Variants in WDR44 observed in about 807,000 individuals in gnomAD.
WDR44 encodes the protein WD repeat-containing protein 44.
In WDR44, 9 loss-of-function variants were observed where a neutral mutation model predicts 65.7. The observed-to-expected ratio is 0.14, with a 90% CI of 0.08 to 0.24. The LOEUF is 0.24. Among genes scored for constraint, WDR44 ranks in the 10% least tolerant of loss-of-function variants. WDR44 has a pLI of 1.00. For synonymous variants in WDR44, 220 were observed against 235.2 expected, an observed-to-expected ratio of 0.94 and a Z score of 0.59; for missense variants, 425 against 670.9, an observed-to-expected ratio of 0.63 and a Z score of 4.05.
chrX:118,362,211 T>C (rs1362347007), intron 1 of WDR44, among the ~76,000 whole-genome samples: 1 of 112,401 alleles, frequency 8.9e-6, no homozygotes, highest in Non-Finnish European at 1.9e-5. Context: ...ATAGAAATAA[T>C]ATAACGAATA....
chrX:118,367,441 C>G (rs949981612), intron 1 of WDR44, among the ~76,000 whole-genome samples: 3 of 111,225 alleles, frequency 2.7e-5, no homozygotes, highest in African/African-American at 9.8e-5. Context: ...CCCAAGCTTT[C>G]CCTGAGAAAT....
rs2056929309 is a variant in WDR44, at chrX:118,402,613, T to C, written c.1275-1725T>C. Among the ~76,000 whole-genome samples the C allele has an allele frequency of 3.7e-5, 4 of 109,079 alleles. No individual in the cohort carries two copies. In the South Asian group the frequency reaches 1.2e-3, roughly 33 times the overall value. The allele number at this position is 109,079 out of a possible 115,157, so 94.7% of individuals were successfully genotyped here. On this transcript the variant is annotated intron_variant, in intron 8 of 19. Coordinates refer to ENST00000254029, the MANE Select transcript of WDR44 (RefSeq NM_019045.5). ...AAATACAAAAATTAGCCAGGCATGG[T>C]GGTGTGTGCCTGTAATCCCAGCAAC...
intron 10 of WDR44, among the ~76,000 whole-genome samples, chrX:118,409,079 A>C: frequency 8.9e-6 from 1 of 111,904 alleles, no homozygotes; most frequent in Middle Eastern, 4.6e-3. Flanking sequence ...TAGTATATGT[A>C]ATTTGGCGTA....
intron 1 of WDR44, among the ~76,000 whole-genome samples, 163 bp downstream of exon 1, chrX:118,346,743 G>A (rs1440953400): frequency 1.8e-5 from 2 of 110,933 alleles, no homozygotes; most frequent in African/African-American, 6.6e-5. Context: ...TCTTAGGGCG[G>A]GGTGACTCGG....
chrX:118,374,468 A>G (rs1164737214), intron 1 of WDR44, among the ~76,000 whole-genome samples: 1 of 111,924 alleles, frequency 8.9e-6, no homozygotes, highest in Non-Finnish European at 1.9e-5. Context: ...AAATTGTAGT[A>G]GTTTGAAATG....
chrX:118,374,084 C>G (rs979570459), intron 1 of WDR44, among the ~76,000 whole-genome samples: 2 of 109,723 alleles, frequency 1.8e-5, no homozygotes, highest in Admixed American at 2.0e-4. Flanking sequence ...GCTATCCCTC[C>G]CCTAGCCCCC....
At chrX:118,446,057 C>G (rs1404368747) in intron 19 of WDR44, among the ~76,000 whole-genome samples, 1 of 102,534 alleles carries the variant, frequency 9.8e-6, no homozygotes, top group South Asian at 4.4e-4. Context: ...AAAAAAAGAC[C>G]AAGGTGAGCA....
At chrX:118,357,268 G>A (rs1231822711) in intron 1 of WDR44, among the ~76,000 whole-genome samples, 3 of 112,007 alleles carry the variant, frequency 2.7e-5, no homozygotes, top group Non-Finnish European at 3.8e-5. Flanking sequence ...TCATGATATT[G>A]TAGGAAAACA....
chrX:118,437,592 T>G (rs1428636031), intron 14 of WDR44, among the ~76,000 whole-genome samples: 1 of 112,503 alleles, frequency 8.9e-6, no homozygotes, highest in Non-Finnish European at 1.9e-5. Context: ...CATCTTTATA[T>G]GTTTAACACA....
rs192618739 is a variant in WDR44, at chrX:118,359,852, A to G, written c.77+13272A>G. Among the ~76,000 whole-genome samples the G allele has an allele frequency of 3.2e-4, 36 of 112,446 alleles. No homozygotes were observed. The East Asian group carries it at 3.6e-3, about 11-fold the overall frequency. The stretch of plus-strand genomic sequence containing the variant: ...ATCTTGAAGATTCAGTTAATATCCT[A>G]TTGGATAATTGTCATAACTATTCTC... On this transcript the variant is annotated intron_variant, in intron 1 of 19. Transcript: ENST00000254029.
At position 118,427,434 on chromosome X, in the gene WDR44, C is replaced by A. The variant is rs750275618; in HGVS notation, c.1738-5347C>A. ...TACAGGCGCCTGCCACCACGCCCGG[C>A]TAATTTTTTGTATTTTTAGTAGAGA... On this transcript the variant is annotated intron_variant, in intron 12 of 19. Coordinates refer to ENST00000254029, the MANE Select transcript of WDR44 (RefSeq NM_019045.5). 2.4e-3 allele frequency among the ~76,000 whole-genome samples: 258 copies of A among 108,801 alleles called. 9 individuals are homozygous for A. The highest frequency in any genetic ancestry group is 2.4e-3 in the Non-Finnish European group (127 of 52,401). The allele number at this position is 108,801 out of a possible 115,157, so 94.5% of individuals were successfully genotyped here.
At chrX:118,426,585 G>T (rs1189785681) in intron 12 of WDR44, among the ~76,000 whole-genome samples, 1 of 109,649 alleles carries the variant, frequency 9.1e-6, no homozygotes, top group Admixed American at 9.8e-5. Context: ...ACATGCCTGT[G>T]GTCCCACCTA....
At chrX:118,409,190 C>T (rs1048962661) in intron 10 of WDR44, among the ~76,000 whole-genome samples, 1 of 111,039 alleles carries the variant, frequency 9.0e-6, no homozygotes, top group African/African-American at 3.3e-5. Context: ...AGTGCAATGG[C>T]GCGGTCTTGA....
At position 118,444,288 on chromosome X, in the gene WDR44, A is replaced by G. The variant is rs982225432; in HGVS notation, c.2513-72A>G. ...ATGTTAGTTTTTAAGGATATTTGGC[A>G]TATAACATACACTATCGTGTTTGTC... On this transcript the variant is annotated intron_variant, in intron 18 of 19. Transcript: ENST00000254029. 5 of 1,081,291 alleles carry G rather than the reference A, an allele frequency of 4.6e-6. No homozygotes were observed. In the African/African-American group the frequency reaches 7.4e-5, roughly 16 times the overall value. 89.1% of individuals were successfully genotyped at this position (1,081,291 alleles called of 1,213,427 possible).
chrX:118,408,563 A>AATTTTTTGT lies in WDR44; in HGVS notation c.1534-915_1534-907dup, dbSNP rs2056987162. Among the ~76,000 whole-genome samples, 2 of 110,479 alleles carry AATTTTTTGT rather than the reference A, an allele frequency of 1.8e-5. 1 individual carries two copies. On this transcript the variant is annotated intron_variant, in intron 10 of 19. Transcript: ENST00000254029. The stretch of plus-strand genomic sequence containing the variant: ...CAGGTGCGCACCACCATGCCTGGCT[A>AATTTTTTGT]ATTTTTTGTATTTTTTGTAGAGATG...
rs951283608 is a variant in WDR44 at position 118,417,098 on chromosome X, ATAGT to A, written c.1737+6141_1737+6144del. Among the ~76,000 whole-genome samples, 4 of 111,840 alleles carry A rather than the reference ATAGT, an allele frequency of 3.6e-5. No homozygotes were observed. The Admixed American group carries it at 3.8e-4, about 11-fold the overall frequency. ...TCCTTATGTCTCCTGAAGACAGCAGATAGTTGGTTGGTGGGTTCTTATCCATTCT... is the reference window on the plus strand; with the variant it reads ...TCCTTATGTCTCCTGAAGACAGCAGATGGTTGGTGGGTTCTTATCCATTCT... On this transcript the variant is annotated intron_variant, in intron 12 of 19. Transcript: ENST00000254029.
At chrX:118,425,575 G>A (rs2057149423) in intron 12 of WDR44, among the ~76,000 whole-genome samples, 1 of 110,440 alleles carries the variant, frequency 9.1e-6, no homozygotes, top group Admixed American at 9.7e-5. Flanking sequence ...TTGAACCTGG[G>A]AGGTGGAGGT....
chrX:118,426,788 T>C (rs185529069), intron 12 of WDR44, among the ~76,000 whole-genome samples: 2 of 108,788 alleles, frequency 1.8e-5, no homozygotes, highest in African/African-American at 6.6e-5. Context: ...AAAGGAATAA[T>C]CAAGAAAAAA....
chrX:118,346,682 C>T, intron 1 of WDR44, 102 bp downstream of exon 1: 4 of 640,884 alleles, frequency 6.2e-6, no homozygotes, highest in Non-Finnish European at 9.2e-6. Context: ...TGTCCGCCAC[C>T]GCTGTTCCTC....
Sources: gnomAD v4.1 joint callset for allele counts (sites outside exome capture counted in the v4.1 genomes callset) on GRCh38, gnomAD v4.1.1 for gene constraint, MANE v1.5 for transcripts, NCBI Gene and HGNC (gene_info 2026-07-23, HGNC 2026-07-21) for gene names.